HEATR1: variants seen among roughly 807,000 people sequenced by gnomAD.
HEATR1 encodes the protein HEAT repeat containing 1, also known as HEAT repeat-containing protein 1.
Under a neutral mutation model 248.2 loss-of-function variants are expected in HEATR1, and 77 were observed. The ratio of observed to expected loss-of-function variants is 0.31; its 90% CI spans 0.26 to 0.37. The LOEUF is 0.37. Among genes scored for constraint, HEATR1 ranks in the 10% least tolerant of loss-of-function variants. The pLI is 1.00. For missense variants in HEATR1, 2,420 were observed against 2,504.9 expected (o/e 0.97, Z 0.72); for synonymous variants, 897 against 923.1 (o/e 0.97, Z 0.51).
At position 236,565,275 on chromosome 1, in the gene HEATR1, C is replaced by T. The variant is rs143155943; in HGVS notation, c.4436-614G>A. On this transcript the variant is annotated intron_variant, in intron 31 of 44. Transcript: ENST00000366582. Reference sequence around the variant, plus strand: ...TCTAACGTGCCTTGTCGTTCTGCTTCGAATTGTAGAGAACTAAGAACTATC... The same window carrying T: ...TCTAACGTGCCTTGTCGTTCTGCTTTGAATTGTAGAGAACTAAGAACTATC... Among the ~76,000 whole-genome samples, 228 of 152,256 alleles carry T rather than the reference C, an allele frequency of 1.5e-3. 1 individual carries two copies. The highest frequency in any genetic ancestry group is 4.6e-3 in the South Asian group (22 of 4,828).
chr1:236,594,806 T>C (rs1472587387), intron 8 of HEATR1, among the ~76,000 whole-genome samples: 1 of 152,114 alleles, frequency 6.6e-6, no homozygotes, highest in Non-Finnish European at 1.5e-5. Flanking sequence ...TAATTATTAT[T>C]ATTATTTTTG....
intron 28 of HEATR1, among the ~76,000 whole-genome samples, chr1:236,569,387 TACCCAGGCTGGTCTTGAAC>T (rs1458072205): frequency 4.6e-5 from 7 of 152,244 alleles, no homozygotes; most frequent in African/African-American, 1.2e-4. Flanking sequence ...CTCACTATGT[TACCCAGGCTGGTCTTGAAC>T]TCCCAGGCTG....
At chr1:236,585,799 G>T (rs563072968) in intron 16 of HEATR1, 21 bp downstream of exon 16, 37 of 1,607,666 alleles carry the variant, frequency 2.3e-5, no homozygotes, top group Non-Finnish European at 3.1e-5. Context: ...TCCAGGGGGT[G>T]GACTTTCAAA....
intron 16 of HEATR1, 142 bp downstream of exon 16, chr1:236,585,678 A>G (rs1279357251): frequency 1.5e-6 from 1 of 656,980 alleles, no homozygotes; most frequent in African/African-American, 1.8e-5. Flanking sequence ...TATATTAAAC[A>G]ACACTGCAAC....
intron 18 of HEATR1, 53 bp from the exon 19 acceptor site, chr1:236,582,925 G>T: frequency 6.2e-7 from 1 of 1,607,508 alleles, no homozygotes. Flanking sequence ...AACATGCTGG[G>T]AGCTTTTTAT....
chr1:236,559,234 C>A (rs560490184), intron 34 of HEATR1, 99 bp from the exon 35 acceptor site: 17 of 840,110 alleles, frequency 2.0e-5, no homozygotes, highest in Non-Finnish European at 2.8e-5. Context: ...CACCTCCAGG[C>A]ACCAGGCACT....
intron 44 of HEATR1, 38 bp from the exon 45 acceptor site, chr1:236,551,028 G>C (rs1008847322): frequency 3.1e-5 from 46 of 1,479,874 alleles, no homozygotes; most frequent in Non-Finnish European, 4.2e-5. Context: ...TAAAATCTGA[G>C]TCAGTCCGCC....
At position 236,550,637 on chromosome 1, in the gene HEATR1, TAATA is replaced by T. The variant is rs1447972460; in HGVS notation, c.*261_*264del. 1.3e-5 allele frequency: 5 copies of T among 387,588 alleles called. No homozygotes were observed. The highest frequency in any genetic ancestry group is 6.2e-5 in the African/African-American group (3 of 48,396). 24.0% of individuals were successfully genotyped at this position (387,588 alleles called of 1,614,324 possible). ...TTATTACCATCAATCAGGAAGAGAATAATAAATGTTTAAACAAACACAGCAGTCT... is the reference window on the plus strand; with the variant it reads ...TTATTACCATCAATCAGGAAGAGAATAATGTTTAAACAAACACAGCAGTCT... On this transcript the variant is annotated 3_prime_UTR_variant, in exon 45 of 45. Coordinates refer to ENST00000366582, the MANE Select transcript of HEATR1 (RefSeq NM_018072.6).
chr1:236,593,079 A>T (rs1476185665), intron 9 of HEATR1, among the ~76,000 whole-genome samples: 2 of 152,178 alleles, frequency 1.3e-5, no homozygotes, highest in Non-Finnish European at 2.9e-5. Context: ...CTGTAATCCC[A>T]GCTACCAGGG....
Position 236,552,075 on chromosome 1 carries a change from T to C in HEATR1, c.6270A>G (p.Ala2090=), listed in dbSNP as rs1191499826. 3.7e-6 allele frequency: 6 copies of C among 1,613,346 alleles called. No individual in the cohort carries two copies. Among genetic ancestry groups the C allele is most frequent in the Admixed American group, 3.3e-5 (2 of 59,986 alleles). ...VRFAALITVL[A]LAEKLKENYI... is the part of the protein sequence containing the mutation. Reference sequence around the variant, plus strand: ...AATTCTCCTTTAGTTTTTCAGCCAGTGCTAACACAGTAATCAAAGCAGCAA... The same window carrying C: ...AATTCTCCTTTAGTTTTTCAGCCAGCGCTAACACAGTAATCAAAGCAGCAA... The change falls in exon 44 of 45, where the codon GCA becomes GCG. Residue 2090 remains alanine (A), a synonymous_variant. Transcript: ENST00000366582.
At chr1:236,572,167 A>C (rs753163074) in intron 26 of HEATR1, among the ~76,000 whole-genome samples, 2 of 152,216 alleles carry the variant, frequency 1.3e-5, no homozygotes, top group African/African-American at 2.4e-5. Context: ...CACGCTACTG[A>C]AAAGTTCAGA....
At chr1:236,572,702 C>T (rs765217647) in intron 25 of HEATR1, 23 bp downstream of exon 25, 80 of 1,603,018 alleles carry the variant, frequency 5.0e-5, no homozygotes, top group Admixed American at 1.5e-4. Context: ...ACAGCATGTG[C>T]TCAATGCATT....
intron 3 of HEATR1, among the ~76,000 whole-genome samples, chr1:236,602,093 C>T (rs906848845): frequency 2.6e-5 from 4 of 151,766 alleles, no homozygotes; most frequent in South Asian, 4.2e-4. Flanking sequence ...GAGATGAGAT[C>T]GTGCCACTGC....
rs1367355664 is a variant in HEATR1 at position 236,561,214 on chromosome 1, AG to A, written c.4646+10del. The stretch of plus-strand genomic sequence containing the variant: ...TCCAAATAAAAAGTAGAAAAAGAAA[AG>A]GAAACATACCTCTCTTCAAGGCCTT... On this transcript the variant is annotated intron_variant, in intron 33 of 44. Transcript: ENST00000366582. The A allele has an allele frequency of 6.3e-7, 1 of 1,589,568 alleles. No homozygotes were observed. The highest frequency in any genetic ancestry group is 8.6e-7 in the Non-Finnish European group (1 of 1,160,690).
intron 35 of HEATR1, among the ~76,000 whole-genome samples, chr1:236,558,735 C>G (rs1345501409): frequency 6.6e-6 from 1 of 152,166 alleles, no homozygotes; most frequent in Non-Finnish European, 1.5e-5. Context: ...GGACTTAGAA[C>G]TATGCTAAGG....
rs373830599 is a variant in HEATR1, at chr1:236,566,686, T to A, written c.4268A>T (p.Tyr1423Phe). The A allele has an allele frequency of 1.7e-5, 28 of 1,613,976 alleles. No homozygotes were observed. Among genetic ancestry groups the A allele is most frequent in the Non-Finnish European group, 2.3e-5 (27 of 1,180,014 alleles). Reference sequence around the variant, plus strand: ...AGCCGCCAGCACTGTTTTTGTGACATACTGTTCAAAAAGCAAGATGAGGAG... The same window carrying A: ...AGCCGCCAGCACTGTTTTTGTGACAAACTGTTCAAAAAGCAAGATGAGGAG... The part of the protein sequence containing the change: ...WILLILLFEQ[Y>F]VTKTVLAAAY... Residue 1423 changes from tyrosine (Y) to phenylalanine (F), a missense_variant, in exon 30 of 45, where the codon TAT becomes TTT. Tyr to Phe is a conservative substitution (Grantham distance 22). Coordinates refer to ENST00000366582, the MANE Select transcript of HEATR1 (RefSeq NM_018072.6).
chr1:236,595,772 T>G, intron 7 of HEATR1, 61 bp downstream of exon 7: 1 of 1,511,934 alleles, frequency 6.6e-7, no homozygotes, highest in South Asian at 1.2e-5. Context: ...CAAAAAAAAA[T>G]TATTCAAAAT....
chr1:236,585,927 T>C lies in HEATR1; in HGVS notation c.1942A>G (p.Ile648Val), dbSNP rs1165241484. ...RGWEEALENV[I>V]KSTKPGKLIG... Reference sequence around the variant, plus strand: ...AGTTTTCCTGGCTTTGTGCTTTTAATTACATTTTCAAGAGCTGTAAAGTAA... The same window carrying C: ...AGTTTTCCTGGCTTTGTGCTTTTAACTACATTTTCAAGAGCTGTAAAGTAA... The change falls in exon 16 of 45, where the codon ATT becomes GTT. Residue 648 changes from isoleucine to valine, a missense_variant. Coordinates refer to ENST00000366582, the MANE Select transcript of HEATR1 (RefSeq NM_018072.6). 1 of 1,613,374 alleles carries C rather than the reference T, an allele frequency of 6.2e-7. No individual in the cohort carries two copies. The highest frequency in any genetic ancestry group is 1.3e-5 in the African/African-American group (1 of 75,028).
chr1:236,564,689 T>C, intron 31 of HEATR1, 28 bp from the exon 32 acceptor site: 1 of 1,595,028 alleles, frequency 6.3e-7, no homozygotes, highest in Non-Finnish European at 8.5e-7. Flanking sequence ...CAAGTGACCT[T>C]ACTCATTTTC....
Sources: gnomAD v4.1 joint callset for allele counts (sites outside exome capture counted in the v4.1 genomes callset) on GRCh38, gnomAD v4.1.1 for gene constraint, MANE v1.5 for transcripts, NCBI Gene and HGNC (gene_info 2026-07-23, HGNC 2026-07-21) for gene names.